SMARCA4: variants seen among roughly 807,000 people sequenced by gnomAD.
The protein encoded by SMARCA4 is SWI/SNF related BAF chromatin remodeling complex subunit ATPase 4.
Under a neutral mutation model 193.9 loss-of-function variants are expected in SMARCA4, and 31 were observed. The observed-to-expected ratio is 0.16, with a 90% CI of 0.12 to 0.22. The LOEUF (loss-of-function observed/expected upper bound fraction) is 0.22. SMARCA4 is among the 10% of genes least tolerant of loss of function. SMARCA4 has a pLI of 1.00. For synonymous variants in SMARCA4, 942 were observed against 933.1 expected (o/e 1.01, Z -0.17); for missense variants, 1,148 against 2,296.0 (o/e 0.50, Z 10.22).
chr19:11,042,547 G>A (rs532594739), intron 30 of SMARCA4, among the ~76,000 whole-genome samples: 3 of 152,266 alleles, frequency 2.0e-5, no homozygotes, highest in Non-Finnish European at 2.9e-5. Flanking sequence ...ACAGTTTGCT[G>A]TTAGTCATGA....
intron 1 of SMARCA4, among the ~76,000 whole-genome samples, chr19:10,970,027 CAT>C (rs2084554260): frequency 6.6e-6 from 1 of 152,200 alleles, no homozygotes. Flanking sequence ...CTTTGCGCCA[CAT>C]GTCATAGGAG....
intron 16 of SMARCA4, among the ~76,000 whole-genome samples, chr19:11,013,872 C>T (rs1012336893): frequency 7.9e-5 from 12 of 152,118 alleles, no homozygotes; most frequent in African/African-American, 2.9e-4. Context: ...TCACTTGCCA[C>T]TGCCTGGCTC....
intron 24 of SMARCA4, among the ~76,000 whole-genome samples, chr19:11,028,753 T>C (rs1001880357): frequency 6.6e-6 from 1 of 152,238 alleles, no homozygotes; most frequent in Non-Finnish European, 1.5e-5. Context: ...GAGACATGTC[T>C]GTCAGTCCCA....
chr19:10,982,613 G>C (rs1213680555), intron 1 of SMARCA4, among the ~76,000 whole-genome samples: 1 of 151,214 alleles, frequency 6.6e-6, no homozygotes, highest in Non-Finnish European at 1.5e-5. Context: ...CATTCTCCTG[G>C]CTCAGCCTCC....
Position 11,019,967 on chromosome 19 carries a change from G to A in SMARCA4, c.2616+266G>A, listed in dbSNP as rs572618162. Among the ~76,000 whole-genome samples, 6 of 152,338 alleles carry A rather than the reference G, an allele frequency of 3.9e-5. No individual in the cohort carries two copies. Among genetic ancestry groups the A allele is most frequent in the African/African-American group, 1.4e-4 (6 of 41,578 alleles). ...CGCTCTGCCTCCTCTCGGGCCTTCTGCCCAGAGAGCCTCAGCACCAAGGCG... is the reference window on the plus strand; with the variant it reads ...CGCTCTGCCTCCTCTCGGGCCTTCTACCCAGAGAGCCTCAGCACCAAGGCG... On this transcript the variant is annotated intron_variant, in intron 18 of 34. Coordinates refer to ENST00000344626, the MANE Select transcript of SMARCA4 (RefSeq NM_003072.5). The surrounding 1 kb of genome is among the most constrained non-coding windows in gnomAD (Gnocchi z 6.1).
At chr19:11,050,951 GGATGAGGGCACCGAGCA>G (rs2076223484) in intron 30 of SMARCA4, among the ~76,000 whole-genome samples, 1 of 152,250 alleles carries the variant, frequency 6.6e-6, no homozygotes, top group Admixed American at 6.5e-5. Flanking sequence ...GGCACTGGCT[GGATGAGGGCACCGAGCA>G]GATGAGCCCC....
chr19:10,975,936 G>A (rs531961742), intron 1 of SMARCA4, among the ~76,000 whole-genome samples: 10 of 152,246 alleles, frequency 6.6e-5, no homozygotes, highest in East Asian at 1.9e-4. Flanking sequence ...GCTTCCACAC[G>A]CTGTACTAAC....
intron 18 of SMARCA4, chr19:11,021,487 C>A: frequency 1.5e-6 from 1 of 646,388 alleles, no homozygotes. Flanking sequence ...GCATTGTTCA[C>A]CTGCCAATAG....
intron 14 of SMARCA4, chr19:11,008,266 AG>A: frequency 4.4e-6 from 2 of 452,162 alleles, no homozygotes; most frequent in South Asian, 3.7e-5. Flanking sequence ...GTGCGGGAGA[AG>A]CCCTCCTCAC....
At chr19:11,043,344 G>A (rs1384372398) in intron 30 of SMARCA4, among the ~76,000 whole-genome samples, 1 of 152,122 alleles carries the variant, frequency 6.6e-6, no homozygotes, top group Non-Finnish European at 1.5e-5. Context: ...AGATGATGAA[G>A]GAAAGGAGAC....
chr19:11,028,522 C>T (rs2090419941), intron 24 of SMARCA4, among the ~76,000 whole-genome samples: 1 of 152,220 alleles, frequency 6.6e-6, no homozygotes, highest in South Asian at 2.1e-4. Flanking sequence ...CACCTTGCCA[C>T]AGGTCAGGCC....
At position 11,034,501 on chromosome 19, in the gene SMARCA4, G is replaced by A. The variant is rs369519348; in HGVS notation, c.3951+301G>A. 6.6e-6 allele frequency among the ~76,000 whole-genome samples: 1 copy of A among 152,248 alleles called. No individual in the cohort carries two copies. Among genetic ancestry groups the A allele is most frequent in the East Asian group, 1.9e-4 (1 of 5,150 alleles). ...ATGCACTCCCTTTCAGAGGGAGTTC[G>A]CCCTATCCAAGGCCAAGGGACTGAC... On this transcript the variant is annotated intron_variant, in intron 28 of 34. Transcript: ENST00000344626. The surrounding 1 kb of genome is among the most constrained non-coding windows in gnomAD (Gnocchi z 7.0).
At chr19:11,059,122 GA>G in intron 32 of SMARCA4, 2 of 473,488 alleles carry the variant, frequency 4.2e-6, no homozygotes, top group South Asian at 2.8e-5. Flanking sequence ...AAAAAAAAAA[GA>G]AAAAATTAAA....
chr19:10,999,832 C>T (rs1217759080), intron 11 of SMARCA4, among the ~76,000 whole-genome samples: 1 of 152,174 alleles, frequency 6.6e-6, no homozygotes, highest in African/African-American at 2.4e-5. Flanking sequence ...AAGTACGTTC[C>T]AAAGTGCTAA....
chr19:11,049,491 T>G (rs1162903097), intron 30 of SMARCA4, among the ~76,000 whole-genome samples: 4 of 151,722 alleles, frequency 2.6e-5, no homozygotes, highest in Non-Finnish European at 4.4e-5. Context: ...CTGTGTTTTT[T>G]TTTTTTTTTT....
chr19:11,055,690 G>A (rs1357245687), intron 30 of SMARCA4, among the ~76,000 whole-genome samples: 3 of 152,148 alleles, frequency 2.0e-5, no homozygotes, highest in Non-Finnish European at 4.4e-5. Context: ...AGGGCAGGGC[G>A]TTTCAAGCCA....
At chr19:11,001,062 ACTACTATTATTT>A (rs1477462856) in intron 11 of SMARCA4, among the ~76,000 whole-genome samples, 1 of 151,778 alleles carries the variant, frequency 6.6e-6, no homozygotes, top group East Asian at 1.9e-4. Flanking sequence ...TATTATTATT[ACTACTATTATTT>A]GAGACAGGGT....
intron 30 of SMARCA4, among the ~76,000 whole-genome samples, chr19:11,051,137 A>C (rs1436566705): frequency 6.6e-6 from 1 of 152,240 alleles, no homozygotes. Context: ...CGCCTGCCCC[A>C]GGATTTGCTG....
At position 11,007,997 on chromosome 19, in the gene SMARCA4, T is replaced by C; in HGVS notation, c.2097T>C (p.Ser699=). 1.9e-6 allele frequency: 3 copies of C among 1,613,566 alleles called. No individual in the cohort carries two copies. Among genetic ancestry groups the C allele is most frequent in the Non-Finnish European group, 2.5e-6 (3 of 1,179,628 alleles). Residue 699 remains serine (S), a synonymous_variant, in exon 14 of 35, where the codon TCT becomes TCC. Coordinates refer to ENST00000344626, the MANE Select transcript of SMARCA4 (RefSeq NM_003072.5). ...KIPDPDSDDV[S]EVDARHIIEN... ...CAGATCCAGACAGCGATGACGTCTC[T>C]GAGGTGGACGCGCGGCACATCATTG...
Sources: allele counts gnomAD v4.1 joint callset (sites outside exome capture counted in the v4.1 genomes callset), GRCh38; gene constraint gnomAD v4.1.1; non-coding constraint Gnocchi (gnomAD v3.1); transcripts MANE v1.5; gene names NCBI Gene and HGNC (gene_info 2026-07-23, HGNC 2026-07-21).